Variants in LRBA observed in about 807,000 individuals in gnomAD.
LRBA encodes the protein LPS responsive beige-like anchor protein.
LRBA carries 176 observed loss-of-function variants against 330.0 expected under a neutral mutation model. The ratio of observed to expected loss-of-function variants is 0.53; its 90% CI spans 0.47 to 0.60. LRBA has a LOEUF of 0.60. LRBA is among the 20% of genes least tolerant of loss of function. The probability of loss-of-function intolerance (pLI) is 0.00; values close to 1 mark genes in which losing one functional copy is unlikely to be tolerated. For synonymous variants in LRBA, 1,230 were observed against 1,193.0 expected (o/e 1.03, Z -0.64); for missense variants, 3,259 against 3,444.8 (o/e 0.95, Z 1.35).
chr4:150,436,863 G>A lies in LRBA; in HGVS notation c.6782C>T (p.Pro2261Leu). The change falls in exon 45 of 57, where the codon CCA becomes CTA. Residue 2261 changes from proline to leucine, a missense_variant and splice_region_variant. By Grantham distance (98) the Pro-to-Leu change is moderately conservative. Coordinates refer to ENST00000651943, the MANE Select transcript of LRBA (RefSeq NM_001364905.1). ...TCTTTTTGGGTTCAGAGCTCCTATT[G>A]GCTGCCAATAGGGAGGGAAAAAACA... Reference protein sequence around the residue: ...LPTNFRDLSKPIGALNPKRAA... With the variant: ...LPTNFRDLSKLIGALNPKRAA... 1 of 1,613,208 alleles carries A rather than the reference G, an allele frequency of 6.2e-7. No individual in the cohort carries two copies. The highest frequency in any genetic ancestry group is 8.5e-7 in the Non-Finnish European group (1 of 1,179,632).
chr4:150,789,530 C>T (rs2081599833), intron 34 of LRBA, among the ~76,000 whole-genome samples: 1 of 152,134 alleles, frequency 6.6e-6, no homozygotes, highest in African/African-American at 2.4e-5. Context: ...AAGTTAAACA[C>T]TGCAAATACC....
At chr4:150,571,788 T>C (rs1327650668) in intron 40 of LRBA, among the ~76,000 whole-genome samples, 1 of 151,462 alleles carries the variant, frequency 6.6e-6, no homozygotes, top group Non-Finnish European at 1.5e-5. Context: ...ATCACAATGT[T>C]AAACAAGATA....
chr4:150,411,912 T>C (rs1429789696), intron 47 of LRBA, among the ~76,000 whole-genome samples: 1 of 152,182 alleles, frequency 6.6e-6, no homozygotes, highest in East Asian at 1.9e-4. Context: ...GATGAAACTC[T>C]TATGTGACAA....
At chr4:150,869,858 C>T (rs1379899526) in intron 20 of LRBA, among the ~76,000 whole-genome samples, 1 of 152,106 alleles carries the variant, frequency 6.6e-6, no homozygotes. Flanking sequence ...AGTTTTAGAC[C>T]AGCCTGGGCA....
chr4:150,475,862 C>A (rs1317491414), intron 42 of LRBA, among the ~76,000 whole-genome samples: 1 of 151,698 alleles, frequency 6.6e-6, no homozygotes, highest in Non-Finnish European at 1.5e-5. Context: ...TATAACTGTG[C>A]CAAGTGCACT....
intron 36 of LRBA, among the ~76,000 whole-genome samples, chr4:150,715,078 A>G (rs567562659): frequency 2.6e-5 from 4 of 152,284 alleles, no homozygotes; most frequent in African/African-American, 7.2e-5. Context: ...TCACTTACCA[A>G]CTGTTTACTA....
intron 50 of LRBA, among the ~76,000 whole-genome samples, chr4:150,315,974 AT>A (rs1215752841): frequency 1.3e-5 from 2 of 152,112 alleles, no homozygotes; most frequent in African/African-American, 2.4e-5. Context: ...AGCAAATACT[AT>A]TTTTTTGTTA....
chr4:150,739,827 T>A (rs1731708250), intron 35 of LRBA, among the ~76,000 whole-genome samples: 1 of 152,140 alleles, frequency 6.6e-6, no homozygotes, highest in Non-Finnish European at 1.5e-5. Context: ...AGGAAGTGAA[T>A]CCTGCCAACA....
intron 48 of LRBA, among the ~76,000 whole-genome samples, chr4:150,344,390 C>T (rs1735998274): frequency 6.6e-6 from 1 of 152,130 alleles, no homozygotes; most frequent in African/African-American, 2.4e-5. Context: ...TAACACAATC[C>T]TCTACTTTCT....
intron 40 of LRBA, among the ~76,000 whole-genome samples, chr4:150,570,882 T>C (rs1199032397): frequency 6.6e-6 from 1 of 152,176 alleles, no homozygotes; most frequent in African/African-American, 2.4e-5. Context: ...GAATTATGTT[T>C]GTATTTTTCT....
At chr4:150,629,605 C>CTACA (rs1777180061) in intron 37 of LRBA, among the ~76,000 whole-genome samples, 1 of 149,034 alleles carries the variant, frequency 6.7e-6, no homozygotes, top group African/African-American at 2.4e-5. Context: ...CACTACTGTA[C>CTACA]TACAGCCTGG....
intron 37 of LRBA, among the ~76,000 whole-genome samples, chr4:150,610,859 T>C (rs1775187970): frequency 6.6e-6 from 1 of 152,160 alleles, no homozygotes; most frequent in Non-Finnish European, 1.5e-5. Flanking sequence ...TGATAATTAA[T>C]CAATATAACT....
intron 40 of LRBA, among the ~76,000 whole-genome samples, chr4:150,506,336 C>T (rs1057399878): frequency 6.6e-6 from 1 of 152,170 alleles, no homozygotes; most frequent in Non-Finnish European, 1.5e-5. Flanking sequence ...CAGTAAAATA[C>T]TGGCAAACCA....
At chr4:150,289,990 T>G (rs1262256533) in intron 53 of LRBA, among the ~76,000 whole-genome samples, 1 of 152,154 alleles carries the variant, frequency 6.6e-6, no homozygotes, top group Admixed American at 6.5e-5. Context: ...TTTTTATGTC[T>G]CTGTAGTTAC....
intron 16 of LRBA, among the ~76,000 whole-genome samples, chr4:150,895,435 A>G (rs1160587306): frequency 1.3e-5 from 2 of 149,752 alleles, no homozygotes; most frequent in African/African-American, 2.5e-5. Context: ...CCTCCCCGCT[A>G]CCCCCACCCC....
intron 38 of LRBA, among the ~76,000 whole-genome samples, chr4:150,596,896 TTG>T (rs935592090): frequency 3.6e-4 from 55 of 151,668 alleles, no homozygotes; most frequent in African/African-American, 1.3e-3. Flanking sequence ...GGATTAGAAT[TTG>T]TGTTTTTTTA....
intron 5 of LRBA, 93 bp downstream of exon 5, chr4:150,921,105 C>G: frequency 1.3e-6 from 1 of 767,314 alleles, no homozygotes; most frequent in South Asian, 1.6e-5. Flanking sequence ...TTCTACCTAG[C>G]ACAGAACCTG....
intron 30 of LRBA, among the ~76,000 whole-genome samples, chr4:150,826,299 G>C (rs1746263874): frequency 1.3e-5 from 2 of 152,150 alleles, no homozygotes; most frequent in Admixed American, 6.5e-5. Context: ...TTTTAATGCA[G>C]ACAAACGTAA....
chr4:150,742,199 G>A (rs994141487), intron 35 of LRBA, among the ~76,000 whole-genome samples: 13 of 149,044 alleles, frequency 8.7e-5, no homozygotes, highest in Non-Finnish European at 1.6e-4. Context: ...AGGCTGGAGT[G>A]CAGTGGTGCA....
Sources: allele counts gnomAD v4.1 joint callset (sites outside exome capture counted in the v4.1 genomes callset), GRCh38; gene constraint gnomAD v4.1.1; transcripts MANE v1.5; gene names NCBI Gene and HGNC (gene_info 2026-07-23, HGNC 2026-07-21).